MARCHF1: variants seen among roughly 807,000 people sequenced by gnomAD.
The protein encoded by MARCHF1 is E3 ubiquitin-protein ligase MARCHF1.
MARCHF1 carries 40 observed loss-of-function variants against 54.2 expected under a neutral mutation model. The ratio of observed to expected loss-of-function variants is 0.74; its 90% confidence interval spans 0.57 to 0.96. MARCHF1 has a LOEUF of 0.96. Ranked by LOEUF, MARCHF1 falls within the 40% of genes least tolerant of loss-of-function variation. The pLI is 0.00. For synonymous variants in MARCHF1, 236 were observed against 236.3 expected, an observed-to-expected ratio of 1.00 and a Z score of 0.01; for missense variants, 586 against 656.5, an observed-to-expected ratio of 0.89 and a Z score of 1.17.
rs572335315 is a variant in MARCHF1, at chr4:163,968,113, A to C, written c.-39+20388T>G. ...AATCTTTTATCCAGTAACAAGAAAAACCCTCTTAGTTGCTGCAGGCATTTT... is the reference window on the plus strand; with the variant it reads ...AATCTTTTATCCAGTAACAAGAAAACCCCTCTTAGTTGCTGCAGGCATTTT... On this transcript the variant is annotated intron_variant, in intron 3 of 9. Transcript: ENST00000514618. Among the ~76,000 whole-genome samples the C allele has an allele frequency of 2.6e-5, 4 of 151,788 alleles. No individual in the cohort carries two copies. The South Asian group carries it at 6.2e-4, about 24-fold the overall frequency.
chr4:164,346,215 A>G (rs1241392427), intron 1 of MARCHF1, among the ~76,000 whole-genome samples: 2 of 152,142 alleles, frequency 1.3e-5, no homozygotes, highest in African/African-American at 2.4e-5. Flanking sequence ...GTATATCAGG[A>G]TATAGAAAAT....
intron 1 of MARCHF1, among the ~76,000 whole-genome samples, chr4:164,347,502 G>A (rs755324058): frequency 6.6e-6 from 1 of 152,148 alleles, no homozygotes; most frequent in African/African-American, 2.4e-5. Context: ...TCCTTTGACT[G>A]TTCTTACCTA....
intron 4 of MARCHF1, among the ~76,000 whole-genome samples, chr4:163,829,985 C>A (rs942686805): frequency 4.6e-5 from 7 of 152,090 alleles, no homozygotes; most frequent in Non-Finnish European, 8.8e-5. Flanking sequence ...GGTTTAGTTT[C>A]TAAAACGTAT....
At chr4:163,648,916 T>C (rs899014754) in intron 5 of MARCHF1, among the ~76,000 whole-genome samples, 1 of 127,698 alleles carries the variant, frequency 7.8e-6, no homozygotes, top group African/African-American at 4.3e-5. Context: ...ACACAATCTT[T>C]GGGGGAAAAA....
chr4:163,854,559 T>C (rs1423610256), intron 3 of MARCHF1, among the ~76,000 whole-genome samples: 1 of 152,202 alleles, frequency 6.6e-6, no homozygotes, highest in Non-Finnish European at 1.5e-5. Flanking sequence ...ATCTAAAATT[T>C]GGCATAGCTT....
intron 4 of MARCHF1, among the ~76,000 whole-genome samples, chr4:163,825,492 G>T (rs1365234992): frequency 6.6e-6 from 1 of 151,898 alleles, no homozygotes; most frequent in Admixed American, 6.6e-5. Context: ...TGGTAATTCC[G>T]TTTTAAGTTT....
intron 3 of MARCHF1, among the ~76,000 whole-genome samples, chr4:163,904,113 A>G (rs1751003933): frequency 6.6e-6 from 1 of 152,188 alleles, no homozygotes; most frequent in South Asian, 2.1e-4. Context: ...GTGACTAATA[A>G]TATTCCATTT....
At chr4:164,154,626 G>C (rs1730029084) in intron 1 of MARCHF1, among the ~76,000 whole-genome samples, 1 of 152,192 alleles carries the variant, frequency 6.6e-6, no homozygotes, top group Non-Finnish European at 1.5e-5. Flanking sequence ...CAGGAAATGA[G>C]GGGAGCTCTT....
chr4:163,683,222 C>G (rs927213634), intron 5 of MARCHF1, among the ~76,000 whole-genome samples: 1 of 152,146 alleles, frequency 6.6e-6, no homozygotes, highest in African/African-American at 2.4e-5. Context: ...TTCCACGTGG[C>G]TGGGGAGGCC....
chr4:164,204,265 A>G (rs1333547177), intron 1 of MARCHF1, among the ~76,000 whole-genome samples: 6 of 152,228 alleles, frequency 3.9e-5, no homozygotes, highest in Admixed American at 3.9e-4. Flanking sequence ...CATTTTGAAC[A>G]TGGTTAAAAG....
At chr4:164,097,215 T>C (rs1216915243) in intron 2 of MARCHF1, among the ~76,000 whole-genome samples, 1 of 152,164 alleles carries the variant, frequency 6.6e-6, no homozygotes, top group African/African-American at 2.4e-5. Flanking sequence ...TCTTGGTAAA[T>C]ATATTTCGCC....
chr4:164,145,203 C>T (rs1168148619), intron 1 of MARCHF1, among the ~76,000 whole-genome samples: 60 of 151,988 alleles, frequency 3.9e-4, no homozygotes, highest in African/African-American at 1.4e-3. Flanking sequence ...CAAAAAGAGT[C>T]CAGGACCAGA....
intron 2 of MARCHF1, among the ~76,000 whole-genome samples, chr4:164,067,778 T>C (rs777414166): frequency 4.6e-5 from 7 of 152,040 alleles, no homozygotes; most frequent in Non-Finnish European, 1.0e-4. Context: ...AAACTATCAA[T>C]AGACAGTCTT....
intron 1 of MARCHF1, among the ~76,000 whole-genome samples, chr4:164,264,612 C>T (rs1263049753): frequency 6.6e-6 from 1 of 151,862 alleles, no homozygotes; most frequent in African/African-American, 2.4e-5. Context: ...AGTAAAAGTC[C>T]ACATTGAGAT....
intron 1 of MARCHF1, among the ~76,000 whole-genome samples, chr4:164,313,571 A>G (rs1272613482): frequency 1.3e-5 from 2 of 152,122 alleles, no homozygotes; most frequent in Non-Finnish European, 2.9e-5. Flanking sequence ...TGAAGTGGGT[A>G]TGGTCTCTGC....
chr4:164,124,752 A>G (rs1315552263), intron 1 of MARCHF1, among the ~76,000 whole-genome samples: 5 of 152,128 alleles, frequency 3.3e-5, no homozygotes, highest in African/African-American at 1.2e-4. Context: ...GGACACAGAG[A>G]GTAGAAGGAT....
At chr4:164,171,482 T>C (rs1200219993) in intron 1 of MARCHF1, among the ~76,000 whole-genome samples, 2 of 152,166 alleles carry the variant, frequency 1.3e-5, no homozygotes, top group African/African-American at 4.8e-5. Flanking sequence ...TACTACGTAA[T>C]ATTAAGTGAA....
At chr4:163,794,896 C>T (rs1747869854) in intron 4 of MARCHF1, among the ~76,000 whole-genome samples, 1 of 152,016 alleles carries the variant, frequency 6.6e-6, no homozygotes, top group South Asian at 2.1e-4. Context: ...ATTTTAAAAT[C>T]CCCCACCAAA....
chr4:164,359,072 G>A (rs978238537), intron 1 of MARCHF1, among the ~76,000 whole-genome samples: 2 of 151,908 alleles, frequency 1.3e-5, no homozygotes, highest in Non-Finnish European at 2.9e-5. Context: ...TTTATTCTGG[G>A]GATTCAGAGT....
Sources: allele counts gnomAD v4.1 joint callset (sites outside exome capture counted in the v4.1 genomes callset), GRCh38; gene constraint gnomAD v4.1.1; transcripts MANE v1.5; gene names NCBI Gene and HGNC (gene_info 2026-07-23, HGNC 2026-07-21).